SLC12A3: variants seen among roughly 807,000 people sequenced by gnomAD.
SLC12A3 encodes Na-Cl cotransporter.
In SLC12A3, 104 loss-of-function variants were observed where a neutral mutation model predicts 121.0. That is an observed-to-expected ratio of 0.86 (90% CI 0.73 to 1.01). The LOEUF (loss-of-function observed/expected upper bound fraction) is 1.01, where lower values mean the gene tolerates loss of function less well. SLC12A3 is among the 50% of genes least tolerant of loss of function. The pLI, the probability that SLC12A3 is intolerant of heterozygous loss-of-function variation, is 0.00. For missense variants in SLC12A3, 1,328 were observed against 1,356.3 expected, an observed-to-expected ratio of 0.98 and a Z score of 0.33; for synonymous variants, 536 against 533.4, an observed-to-expected ratio of 1.00 and a Z score of -0.07.
intron 6 of SLC12A3, among the ~76,000 whole-genome samples, 179 bp from the exon 7 acceptor site, chr16:56,872,172 C>T (rs979175863): frequency 3.3e-5 from 5 of 152,204 alleles, no homozygotes; most frequent in Non-Finnish European, 2.9e-5. Context: ...GAGGCTTTGG[C>T]GGTCTTGTTC....
intron 8 of SLC12A3, among the ~76,000 whole-genome samples, chr16:56,876,910 G>A (rs1442059671): frequency 5.3e-5 from 8 of 152,204 alleles, no homozygotes; most frequent in Non-Finnish European, 1.2e-4. Flanking sequence ...ATCAGTCCTT[G>A]GAGCCCGAGG....
At chr16:56,868,691 G>A (rs895450484) in intron 3 of SLC12A3, among the ~76,000 whole-genome samples, 7 of 152,226 alleles carry the variant, frequency 4.6e-5, no homozygotes, top group Admixed American at 2.0e-4. Flanking sequence ...GGCCGGGCAC[G>A]GTGGCTCACG....
intron 2 of SLC12A3, among the ~76,000 whole-genome samples, chr16:56,867,837 G>A (rs975752033): frequency 1.3e-5 from 2 of 152,200 alleles, no homozygotes; most frequent in Non-Finnish European, 2.9e-5. Context: ...CCTCCATCTC[G>A]GCCTCTGGCT....
intron 25 of SLC12A3, among the ~76,000 whole-genome samples, chr16:56,912,168 A>G (rs2055694790): frequency 6.6e-6 from 1 of 152,222 alleles, no homozygotes; most frequent in Admixed American, 6.5e-5. Flanking sequence ...CACTCAAGTG[A>G]GTCCCACGGA....
In SLC12A3 at chr16:56,866,923, AAGCCC is replaced by A. The variant is rs1314442432; in HGVS notation, c.283-146_283-142del. 5 of 1,075,828 alleles carry A rather than the reference AAGCCC, an allele frequency of 4.6e-6. No individual in the cohort carries two copies. The African/African-American group carries it at 7.8e-5, about 17-fold the overall frequency. The allele number at this position is 1,075,828 out of a possible 1,614,324, so 66.6% of individuals were successfully genotyped here. On this transcript the variant is annotated intron_variant, in intron 1 of 25. Transcript: ENST00000563236. The stretch of plus-strand genomic sequence containing the variant: ...GCTCCTGGCCTAGGGAGCATTTTAA[AAGCCC>A]CTCAAGCAGCTCAACACCCAGTGGG...
At position 56,865,991 on chromosome 16, in the gene SLC12A3, CTTTTTT is replaced by C. The variant is rs5817079; in HGVS notation, c.282+481_282+486del. Among the ~76,000 whole-genome samples, 3 of 140,086 alleles carry C rather than the reference CTTTTTT, an allele frequency of 2.1e-5. No homozygotes were observed. The East Asian group carries it at 6.2e-4, about 29-fold the overall frequency. 91.9% of individuals were successfully genotyped at this position (140,086 alleles called of 152,430 possible). On this transcript the variant is annotated intron_variant, in intron 1 of 25. Coordinates refer to ENST00000563236, the MANE Select transcript of SLC12A3 (RefSeq NM_001126108.2). ...TTTTTCTTTTCTTTTCTTTTCTTTT[CTTTTTT>C]TTTTTTGAGACGGAGTCTGGCTCTG...
rs369795019 is a variant in SLC12A3 at position 56,865,286 on chromosome 16, C to A, written c.51C>A (p.Ser17Arg). The A allele has an allele frequency of 2.7e-5, 44 of 1,613,924 alleles. No homozygotes were observed. In the African/African-American group the frequency reaches 5.9e-4, roughly 22 times the overall value. The change falls in exon 1 of 26, where the codon AGC (serine) becomes AGA (arginine). Residue 17 changes from serine (S) to arginine (R), a missense_variant. By Grantham distance (110) the Ser-to-Arg change is moderately radical. Transcript: ENST00000563236. Reference protein sequence around the residue: ...TETPGDATLCSGRFTISTLLS... With the variant: ...TETPGDATLCRGRFTISTLLS... ...CGCCTGGGGACGCCACTTTGTGCAG[C>A]GGGCGCTTCACCATCAGCACACTGC...
chr16:56,878,782 T>C (rs2055198401), intron 9 of SLC12A3, among the ~76,000 whole-genome samples: 1 of 152,128 alleles, frequency 6.6e-6, no homozygotes, highest in Non-Finnish European at 1.5e-5. Context: ...ACTCGAGGCT[T>C]GAGATCCAGG....
At position 56,879,239 on chromosome 16, in the gene SLC12A3, A is replaced by G. The variant is rs2055205070; in HGVS notation, c.1335+12A>G. ...TCAACTATTACCAGGTACTGCCAGG[A>G]GAGCTGACCCACCAGACACAGTGGG... On this transcript the variant is annotated intron_variant, in intron 10 of 25. Coordinates refer to ENST00000563236, the MANE Select transcript of SLC12A3 (RefSeq NM_001126108.2). 1 of 1,613,622 alleles carries G rather than the reference A, an allele frequency of 6.2e-7. No homozygotes were observed. The highest frequency in any genetic ancestry group is 1.3e-5 in the African/African-American group (1 of 74,922).
intron 16 of SLC12A3, 134 bp downstream of exon 16, chr16:56,886,609 T>C: frequency 1.2e-6 from 1 of 807,186 alleles, no homozygotes; most frequent in Non-Finnish European, 2.0e-6. Flanking sequence ...ACACAGCTCC[T>C]GGGGGAGTCG....
chr16:56,911,043 A>C (rs6499860), intron 25 of SLC12A3, among the ~76,000 whole-genome samples: 92,431 of 152,090 alleles, frequency 0.61, 28,791 homozygotes, highest in African/African-American at 0.76. Flanking sequence ...TGAAAGTCTG[A>C]CATAGGTGTG....
At chr16:56,867,325 C>A in intron 2 of SLC12A3, 109 bp downstream of exon 2, 1 of 1,123,954 alleles carries the variant, frequency 8.9e-7, no homozygotes, top group Non-Finnish European at 1.3e-6. Flanking sequence ...TCAGTTTCCC[C>A]ATCTGTACAA....
chr16:56,881,726 C>T (rs762714781), intron 12 of SLC12A3, among the ~76,000 whole-genome samples: 14 of 152,076 alleles, frequency 9.2e-5, no homozygotes, highest in African/African-American at 2.9e-4. Flanking sequence ...AGCTGTGTTA[C>T]GGTCTTAGGT....
At chr16:56,878,003 G>A (rs900313182) in intron 8 of SLC12A3, 74 bp from the exon 9 acceptor site, 83 of 768,740 alleles carry the variant, frequency 1.1e-4, no homozygotes, top group Non-Finnish European at 1.6e-4. Context: ...AGGCCCAGGG[G>A]CTGCCTAATG....
chr16:56,870,714 C>A lies in SLC12A3; in HGVS notation c.830C>A (p.Ala277Asp). 1 of 1,613,064 alleles carries A rather than the reference C, an allele frequency of 6.2e-7. No homozygotes were observed. The highest frequency in any genetic ancestry group is 1.1e-5 in the South Asian group (1 of 91,052). Residue 277 changes from alanine (A) to aspartate (D), a missense_variant, in exon 6 of 26, where the codon GCT becomes GAT. Physicochemically the swap from Ala to Asp is moderately radical, Grantham distance 126. Coordinates refer to ENST00000563236, the MANE Select transcript of SLC12A3 (RefSeq NM_001126108.2). ...ACTGTGCTGCTGGCCATCTCCCTGG[C>A]TGGCATGGAGTGGGAGTCCAAGGTG... is the stretch of plus-strand genomic sequence containing the variant. ...SVTVLLAISL[A>D]GMEWESKAQV...
intron 25 of SLC12A3, among the ~76,000 whole-genome samples, chr16:56,909,082 T>G (rs1408632726): frequency 6.6e-6 from 1 of 152,240 alleles, no homozygotes; most frequent in Non-Finnish European, 1.5e-5. Context: ...TTCTCTTTCA[T>G]GCTAACATGC....
In SLC12A3 at chr16:56,884,140, G is replaced by C. The variant is rs1316593507; in HGVS notation, c.1761G>C (p.Trp587Cys). 5 of 1,614,218 alleles carry C rather than the reference G, an allele frequency of 3.1e-6. No individual in the cohort carries two copies. In the South Asian group the frequency reaches 5.5e-5, roughly 18 times the overall value. The stretch of plus-strand genomic sequence containing the variant: ...TCATCATGTTCCTCCTCACCTGGTG[G>C]GCGGCCCTCATCGCCATTGGCGTGG... ...SVVIMFLLTW[W>C]AALIAIGVVL... The change falls in exon 14 of 26, where the codon TGG (tryptophan) becomes TGC (cysteine). Residue 587 changes from tryptophan (W) to cysteine (C), a missense_variant. Trp to Cys is a radical substitution (Grantham distance 215, BLOSUM62 -2). Coordinates refer to ENST00000563236, the MANE Select transcript of SLC12A3 (RefSeq NM_001126108.2).
At chr16:56,888,549 ATTTTTTTTTTTTT>A (rs749206626) in intron 18 of SLC12A3, among the ~76,000 whole-genome samples, 1 of 85,918 alleles carries the variant, frequency 1.2e-5, no homozygotes, top group African/African-American at 4.7e-5. Context: ...AGATCTTTTA[ATTTTTTTTTTTTT>A]TTTTTTTTTT....
At chr16:56,883,545 G>A (rs925927471) in intron 13 of SLC12A3, among the ~76,000 whole-genome samples, 2 of 152,108 alleles carry the variant, frequency 1.3e-5, no homozygotes, top group Non-Finnish European at 2.9e-5. Flanking sequence ...CTCCCAAAGT[G>A]CTGGGATTAC....
Sources: allele counts gnomAD v4.1 joint callset (sites outside exome capture counted in the v4.1 genomes callset), GRCh38; gene constraint gnomAD v4.1.1; transcripts MANE v1.5; gene names NCBI Gene and HGNC (gene_info 2026-07-23, HGNC 2026-07-21).